Variants in SSBP2 observed in about 807,000 individuals in gnomAD.
SSBP2 encodes single-stranded DNA-binding protein 2.
SSBP2 carries 17 observed loss-of-function variants against 61.8 expected under a neutral mutation model. The ratio of observed to expected loss-of-function variants is 0.28; its 90% CI spans 0.19 to 0.41. The LOEUF is 0.41. SSBP2 is among the 10% of genes least tolerant of loss of function. The probability of loss-of-function intolerance (pLI) is 1.00; values close to 1 mark genes in which losing one functional copy is unlikely to be tolerated. For missense variants in SSBP2, 310 were observed against 458.7 expected (o/e 0.68, Z 2.96); for synonymous variants, 139 against 141.3 (o/e 0.98, Z 0.12).
chr5:81,689,136 C>T (rs1488140866), intron 1 of SSBP2, among the ~76,000 whole-genome samples: 2 of 151,276 alleles, frequency 1.3e-5, no homozygotes, highest in Admixed American at 1.3e-4. Flanking sequence ...AGCAGAAGAA[C>T]AAATTAGTGA....
chr5:81,580,625 C>T (rs1183124316), intron 4 of SSBP2, among the ~76,000 whole-genome samples: 1 of 151,852 alleles, frequency 6.6e-6, no homozygotes, highest in African/African-American at 2.4e-5. Flanking sequence ...AAGAGACATA[C>T]CTTATTATCA....
At chr5:81,563,945 C>T (rs578192540) in intron 4 of SSBP2, among the ~76,000 whole-genome samples, 1 of 152,094 alleles carries the variant, frequency 6.6e-6, no homozygotes, top group South Asian at 2.1e-4. Context: ...TAAAGGCAAC[C>T]CATGGAATGG....
chr5:81,613,521 T>C (rs751628686), intron 4 of SSBP2, among the ~76,000 whole-genome samples: 65 of 152,364 alleles, frequency 4.3e-4, no homozygotes, highest in Non-Finnish European at 7.3e-4. Context: ...AAAGAGCTGC[T>C]AAATTAGTTC....
At chr5:81,706,697 T>C (rs537117108) in intron 1 of SSBP2, among the ~76,000 whole-genome samples, 1 of 152,308 alleles carries the variant, frequency 6.6e-6, no homozygotes, top group East Asian at 1.9e-4. Flanking sequence ...TAAATAACAG[T>C]AACGAGTTCC....
At chr5:81,558,018 A>C (rs1772737945) in intron 4 of SSBP2, among the ~76,000 whole-genome samples, 1 of 152,156 alleles carries the variant, frequency 6.6e-6, no homozygotes. Flanking sequence ...TCTTGCTTTT[A>C]AGATTTCTTA....
At chr5:81,535,760 C>T (rs1265511209) in intron 4 of SSBP2, among the ~76,000 whole-genome samples, 6 of 151,814 alleles carry the variant, frequency 4.0e-5, no homozygotes, top group Non-Finnish European at 7.4e-5. Flanking sequence ...AGAAAAATTA[C>T]ATCAAAATGG....
chr5:81,512,958 C>T lies in SSBP2; in HGVS notation c.372+670G>A, dbSNP rs896459475. On this transcript the variant is annotated intron_variant, in intron 5 of 16. Coordinates refer to ENST00000320672, the MANE Select transcript of SSBP2 (RefSeq NM_012446.5). The stretch of plus-strand genomic sequence containing the variant: ...CTATAATTAATTTAAAAATGAATTT[C>T]GAAATTTATGTTGGTTTGAGTTAGA... 3.3e-5 allele frequency among the ~76,000 whole-genome samples: 5 copies of T among 151,976 alleles called. No homozygotes were observed. The South Asian group carries it at 6.2e-4, about 19-fold the overall frequency.
Position 81,489,286 on chromosome 5 carries a change from A to T in SSBP2, c.396T>A (p.Pro132=), listed in dbSNP as rs151310804. The T allele has an allele frequency of 7.8e-5, 125 of 1,607,562 alleles. No individual in the cohort carries two copies. In the African/African-American group the frequency reaches 1.3e-3, roughly 17 times the overall value. The change falls in exon 6 of 17, where the codon CCT becomes CCA. Residue 132 remains proline (P), a synonymous_variant. Coordinates refer to ENST00000320672, the MANE Select transcript of SSBP2 (RefSeq NM_012446.5). ...TCCTCAATGGGGGCCTTGGACCTCC[A>T]GGGTACCGAGGTGACATAAAAGGCT...
chr5:81,460,997 ATTT>A, intron 10 of SSBP2, 55 bp downstream of exon 10: 1 of 1,094,284 alleles, frequency 9.1e-7, no homozygotes. Context: ...TGTTTTTGTG[ATTT>A]TTGTTAAATG....
chr5:81,605,127 C>T (rs902253698), intron 4 of SSBP2, among the ~76,000 whole-genome samples: 1 of 152,006 alleles, frequency 6.6e-6, no homozygotes, highest in Admixed American at 6.6e-5. Flanking sequence ...ACTGTTTACC[C>T]TTATAAATCT....
At chr5:81,562,407 T>C (rs1270458995) in intron 4 of SSBP2, among the ~76,000 whole-genome samples, 1 of 152,182 alleles carries the variant, frequency 6.6e-6, no homozygotes, top group Non-Finnish European at 1.5e-5. Flanking sequence ...ATCATAACTA[T>C]GCAAGAGTAC....
At chr5:81,561,216 A>C (rs1390341323) in intron 4 of SSBP2, among the ~76,000 whole-genome samples, 1 of 152,204 alleles carries the variant, frequency 6.6e-6, no homozygotes, top group African/African-American at 2.4e-5. Context: ...ATCCTATGAT[A>C]CTGAACAAGG....
At chr5:81,681,530 A>AG (rs900845359) in intron 1 of SSBP2, among the ~76,000 whole-genome samples, 2 of 151,878 alleles carry the variant, frequency 1.3e-5, no homozygotes, top group African/African-American at 4.8e-5. Flanking sequence ...AAAAAAAAAA[A>AG]AAAAAAGAAA....
chr5:81,579,188 T>C (rs1774460255), intron 4 of SSBP2, among the ~76,000 whole-genome samples: 1 of 152,016 alleles, frequency 6.6e-6, no homozygotes, highest in Admixed American at 6.6e-5. Flanking sequence ...GAAAATGATA[T>C]CAGGAATAGA....
intron 4 of SSBP2, among the ~76,000 whole-genome samples, chr5:81,530,709 C>G (rs1284643358): frequency 2.0e-5 from 3 of 152,098 alleles, no homozygotes; most frequent in South Asian, 4.1e-4. Context: ...GTTTTTCTCT[C>G]CTTTGAGTCA....
chr5:81,618,432 G>T (rs1256070825), intron 3 of SSBP2, among the ~76,000 whole-genome samples: 1 of 52,796 alleles, frequency 1.9e-5, no homozygotes, highest in Admixed American at 2.7e-4. Flanking sequence ...ACCCAATACA[G>T]GAGCACCCAG....
intron 4 of SSBP2, among the ~76,000 whole-genome samples, chr5:81,579,502 TCA>T (rs1294298842): frequency 4.6e-5 from 7 of 151,962 alleles, no homozygotes; most frequent in Non-Finnish European, 5.9e-5. Context: ...AAAGGACAGA[TCA>T]CATCACCAAT....
intron 4 of SSBP2, among the ~76,000 whole-genome samples, chr5:81,613,888 C>T (rs1451157674): frequency 6.6e-6 from 1 of 152,134 alleles, no homozygotes; most frequent in Non-Finnish European, 1.5e-5. Context: ...AGATAAATCC[C>T]ATGTCCTGGG....
In SSBP2 at chr5:81,489,884, G is replaced by A. The variant is rs540805350; in HGVS notation, c.373-575C>T. Among the ~76,000 whole-genome samples, 11 of 151,982 alleles carry A rather than the reference G, an allele frequency of 7.2e-5. No individual in the cohort carries two copies. In the East Asian group the frequency reaches 1.2e-3, roughly 16 times the overall value. On this transcript the variant is annotated intron_variant, in intron 5 of 16. Coordinates refer to ENST00000320672, the MANE Select transcript of SSBP2 (RefSeq NM_012446.5). Reference sequence around the variant, plus strand: ...TCAAAACGGACTCTGTGGGTGTGGCGGCACACACCTATAGTCCCACCTACT... The same window carrying A: ...TCAAAACGGACTCTGTGGGTGTGGCAGCACACACCTATAGTCCCACCTACT...
Sources: gnomAD v4.1 joint callset for allele counts (sites outside exome capture counted in the v4.1 genomes callset) on GRCh38, gnomAD v4.1.1 for gene constraint, MANE v1.5 for transcripts, NCBI Gene and HGNC (gene_info 2026-07-23, HGNC 2026-07-21) for gene names.